Variants in RIMBP2 observed in about 807,000 individuals in gnomAD.
The protein encoded by RIMBP2 is RIMS-binding protein 2.
Under a neutral mutation model 118.6 loss-of-function variants are expected in RIMBP2, and 48 were observed. The observed-to-expected ratio is 0.40, with a 90% CI of 0.32 to 0.51. The LOEUF (loss-of-function observed/expected upper bound fraction) is 0.51, where lower values mean the gene tolerates loss of function less well. RIMBP2 is among the 20% of genes least tolerant of loss of function. The pLI is 0.41. For missense variants in RIMBP2, 1,551 were observed against 1,768.3 expected, an observed-to-expected ratio of 0.88 and a Z score of 2.20; for synonymous variants, 762 against 742.9, an observed-to-expected ratio of 1.03 and a Z score of -0.42.
chr12:130,579,096 T>C, intron 2 of RIMBP2, among the ~76,000 whole-genome samples: 1 of 152,092 alleles, frequency 6.6e-6, no homozygotes, highest in Non-Finnish European at 1.5e-5. Flanking sequence ...GTTGCTTCAG[T>C]TGTTTGTTCT....
intron 9 of RIMBP2, among the ~76,000 whole-genome samples, chr12:130,448,888 T>C (rs2078762493): frequency 6.6e-6 from 1 of 152,280 alleles, no homozygotes; most frequent in African/African-American, 2.4e-5. Context: ...GAGCGGAATG[T>C]GATCCGCTGA....
At chr12:130,633,958 T>C (rs1221146269) in intron 1 of RIMBP2, 13 of 152,264 alleles carry the variant, frequency 8.5e-5, no homozygotes, top group Admixed American at 8.5e-4. Flanking sequence ...ATTCATGGGC[T>C]GCCCAAGCCG....
At chr12:130,616,156 C>T (rs987595314) in intron 2 of RIMBP2, among the ~76,000 whole-genome samples, 8 of 152,194 alleles carry the variant, frequency 5.3e-5, no homozygotes, top group African/African-American at 1.7e-4. Context: ...CGTTTCCCAC[C>T]AGACAAATGG....
intron 4 of RIMBP2, among the ~76,000 whole-genome samples, chr12:130,486,777 C>T (rs1483324195): frequency 2.0e-5 from 3 of 152,032 alleles, no homozygotes; most frequent in African/African-American, 7.2e-5. Flanking sequence ...GTCTGCCGTT[C>T]TCTCCTGTGT....
At chr12:130,485,749 G>A (rs1436870242) in intron 4 of RIMBP2, among the ~76,000 whole-genome samples, 2 of 152,210 alleles carry the variant, frequency 1.3e-5, no homozygotes, top group Non-Finnish European at 2.9e-5. Flanking sequence ...GCGTGGTCCT[G>A]CGGCCTCAGA....
intron 1 of RIMBP2, among the ~76,000 whole-genome samples, chr12:130,672,894 T>G (rs970923009): frequency 4.6e-5 from 7 of 152,150 alleles, no homozygotes; most frequent in African/African-American, 1.7e-4. Flanking sequence ...TATCCTAGTA[T>G]TTAGATCCAC....
At chr12:130,682,834 C>G (rs1261997967) in intron 1 of RIMBP2, among the ~76,000 whole-genome samples, 2 of 152,236 alleles carry the variant, frequency 1.3e-5, no homozygotes, top group Admixed American at 1.3e-4. Context: ...AGGGAAGGAG[C>G]CTTCCACAGG....
At chr12:130,574,443 C>A (rs1237747842) in intron 2 of RIMBP2, among the ~76,000 whole-genome samples, 10 of 152,164 alleles carry the variant, frequency 6.6e-5, no homozygotes, top group Non-Finnish European at 1.0e-4. Context: ...CATTCTATTG[C>A]CAATGACATG....
At chr12:130,503,083 T>C (rs370878598) in intron 4 of RIMBP2, among the ~76,000 whole-genome samples, 4 of 152,104 alleles carry the variant, frequency 2.6e-5, no homozygotes, top group African/African-American at 9.7e-5. Flanking sequence ...ACATTTTCTC[T>C]TGTACAAGTC....
At chr12:130,489,585 GTC>G (rs1158023867) in intron 4 of RIMBP2, among the ~76,000 whole-genome samples, 1 of 152,084 alleles carries the variant, frequency 6.6e-6, no homozygotes, top group Admixed American at 6.6e-5. Flanking sequence ...TCCATCTCCT[GTC>G]TCTAACCCAC....
intron 17 of RIMBP2, among the ~76,000 whole-genome samples, chr12:130,418,822 C>T (rs557222747): frequency 1.8e-4 from 27 of 152,260 alleles, no homozygotes; most frequent in African/African-American, 6.5e-4. Flanking sequence ...ATCTTTGTGT[C>T]TTCAAGTCCA....
chr12:130,412,842 C>G, intron 18 of RIMBP2, 55 bp from the exon 19 acceptor site: 1 of 1,502,648 alleles, frequency 6.7e-7, no homozygotes. Flanking sequence ...TTCAGAAATA[C>G]AATAGTCCCA....
At chr12:130,631,981 C>T (rs2062020056) in intron 1 of RIMBP2, among the ~76,000 whole-genome samples, 1 of 152,236 alleles carries the variant, frequency 6.6e-6, no homozygotes, top group Admixed American at 6.5e-5. Context: ...CATTAACTTA[C>T]TTGATATGCC....
chr12:130,468,628 C>T (rs1455945772), intron 6 of RIMBP2, among the ~76,000 whole-genome samples: 1 of 152,166 alleles, frequency 6.6e-6, no homozygotes, highest in Admixed American at 6.5e-5. Flanking sequence ...AGGCAGCCTC[C>T]CTGGCCTGTG....
Position 130,397,217 on chromosome 12 carries a change from G to A in RIMBP2, c.*144C>T. The A allele has an allele frequency of 2.6e-6, 1 of 387,866 alleles. No homozygotes were observed. Among genetic ancestry groups the A allele is most frequent in the Middle Eastern group, 6.5e-4 (1 of 1,536 alleles). 24.0% of individuals were successfully genotyped at this position (387,866 alleles called of 1,614,324 possible). On this transcript the variant is annotated 3_prime_UTR_variant, in exon 23 of 23. Coordinates refer to ENST00000690449, the MANE Select transcript of RIMBP2 (RefSeq NM_001393629.1). ...TCTTTGTTCTCGTGGTTGGTTTAAA[G>A]TGGTTGGTAGTGCAAAAGTGCATTT...
rs979572639 is a variant in RIMBP2 at position 130,645,485 on chromosome 12, C to T, written c.-351-17029G>A. On this transcript the variant is annotated intron_variant, in intron 1 of 22. Coordinates refer to ENST00000690449, the MANE Select transcript of RIMBP2 (RefSeq NM_001393629.1). ...CTGGCTGGATGTGATATCGGGTTAA[C>T]CAGCCAGCACCTTCCACCCCTACAG... is the stretch of plus-strand genomic sequence containing the variant. 4.6e-5 allele frequency among the ~76,000 whole-genome samples: 7 copies of T among 152,334 alleles called. No homozygotes were observed. The East Asian group carries it at 1.4e-3, about 29-fold the overall frequency.
Position 130,397,428 on chromosome 12 carries a change from G to C in RIMBP2, c.4022C>G (p.Ser1341Trp). 1 of 398,714 alleles carries C rather than the reference G, an allele frequency of 2.5e-6. No individual in the cohort carries two copies. Among genetic ancestry groups the C allele is most frequent in the Admixed American group, 4.4e-5 (1 of 22,704 alleles). The allele number at this position is 398,714 out of a possible 1,614,324, so 24.7% of individuals were successfully genotyped here. A position where few individuals can be genotyped will look rare whatever the true frequency, so the allele number is the denominator to read the frequency against. ...GGAAAGCAGCCCCTTTTTCTTTTTC[G>C]AGGACATTTCCCTGCCTCTCCCAGG... The part of the protein sequence containing the change: ...GSPGRGREMS[S>W]KKKKGLLSKG... The change falls in exon 23 of 23, where the codon TCG (serine) becomes TGG (tryptophan). Residue 1341 changes from serine to tryptophan, a missense_variant. By Grantham distance (177) the Ser-to-Trp change is radical. This residue lies in a region of RIMBP2 where 1,038 missense variants were observed against 1,125.1 expected (regional missense o/e 0.92). Coordinates refer to ENST00000690449, the MANE Select transcript of RIMBP2 (RefSeq NM_001393629.1).
intron 11 of RIMBP2, among the ~76,000 whole-genome samples, chr12:130,438,906 G>A (rs567865892): frequency 1.6e-4 from 25 of 152,218 alleles, no homozygotes; most frequent in Non-Finnish European, 3.1e-4. Flanking sequence ...CCAACGAGAC[G>A]CCGGCGTTTG....
chr12:130,483,745 G>C (rs1426591374), intron 4 of RIMBP2, among the ~76,000 whole-genome samples: 1 of 128,774 alleles, frequency 7.8e-6, no homozygotes, highest in Admixed American at 8.1e-5. Flanking sequence ...TCCCCACCTA[G>C]ACACAGTGCC....
Sources: allele counts gnomAD v4.1 joint callset (sites outside exome capture counted in the v4.1 genomes callset), GRCh38; gene constraint gnomAD v4.1.1; regional missense constraint gnomAD v4.1.1; transcripts MANE v1.5; gene names NCBI Gene and HGNC (gene_info 2026-07-23, HGNC 2026-07-21).